Variants in DDAH1 observed in about 807,000 individuals in gnomAD.
DDAH1 encodes the protein dimethylarginine dimethylaminohydrolase 1.
A neutral mutation model predicts 28.8 loss-of-function variants in DDAH1; 19 were observed. The ratio of observed to expected loss-of-function variants is 0.66; its 90% CI spans 0.46 to 0.97. DDAH1 has a LOEUF of 0.97. Ranked by LOEUF, DDAH1 falls within the 50% of genes least tolerant of loss-of-function variation. The pLI is 0.00. For synonymous variants in DDAH1, 153 were observed against 154.4 expected (o/e 0.99, Z 0.07); for missense variants, 326 against 375.9 (o/e 0.87, Z 1.10).
At chr1:85,407,096 G>A (rs1015137196) in intron 1 of DDAH1, among the ~76,000 whole-genome samples, 7 of 152,062 alleles carry the variant, frequency 4.6e-5, no homozygotes, top group Non-Finnish European at 1.0e-4. Flanking sequence ...TATTTCTGAA[G>A]AGTTATGAGC....
chr1:85,439,588 C>T (rs1216311697), intron 1 of DDAH1, among the ~76,000 whole-genome samples: 1 of 152,218 alleles, frequency 6.6e-6, no homozygotes, highest in Admixed American at 6.5e-5. Context: ...TTTTCTTAAA[C>T]TATCTGCTCT....
Position 85,454,443 on chromosome 1 carries a change from A to G in DDAH1, c.303+10300T>C, listed in dbSNP as rs533235861. On this transcript the variant is annotated intron_variant, in intron 1 of 5. Coordinates refer to ENST00000284031, the MANE Select transcript of DDAH1 (RefSeq NM_012137.4). The stretch of plus-strand genomic sequence containing the variant: ...TGACTGGATAGAAAGTAATGCTGAG[A>G]TTTTGGCCATGATTCCCAGGACCCA... Among the ~76,000 whole-genome samples, 12 of 152,328 alleles carry G rather than the reference A, an allele frequency of 7.9e-5. No homozygotes were observed. The South Asian group carries it at 2.1e-3, about 26-fold the overall frequency.
chr1:85,339,413 A>T (rs1022630511), intron 4 of DDAH1, among the ~76,000 whole-genome samples: 1 of 152,212 alleles, frequency 6.6e-6, no homozygotes, highest in Non-Finnish European at 1.5e-5. Flanking sequence ...GTGATGAGTA[A>T]TATGGGGACC....
chr1:85,396,241 C>A (rs1274875752), intron 1 of DDAH1, among the ~76,000 whole-genome samples: 1 of 152,118 alleles, frequency 6.6e-6, no homozygotes, highest in Non-Finnish European at 1.5e-5. Context: ...TAAAGGAATA[C>A]CTAAGGCTGG....
chr1:85,441,240 G>C (rs1239335134), intron 1 of DDAH1, among the ~76,000 whole-genome samples: 1 of 152,122 alleles, frequency 6.6e-6, no homozygotes, highest in Non-Finnish European at 1.5e-5. Context: ...TATTGAGAAA[G>C]GAGGTAAGAA....
chr1:85,345,621 T>C (rs796954582), intron 4 of DDAH1, among the ~76,000 whole-genome samples: 15 of 152,270 alleles, frequency 9.9e-5, no homozygotes, highest in African/African-American at 3.6e-4. Flanking sequence ...TCCCAGCACT[T>C]TGGGAGGCCG....
intron 1 of DDAH1, among the ~76,000 whole-genome samples, chr1:85,391,616 AT>A (rs1272490895): frequency 6.6e-6 from 1 of 152,246 alleles, no homozygotes; most frequent in African/African-American, 2.4e-5. Context: ...GCAGAATGGT[AT>A]TACCTGACAA....
rs529619757 is a variant in DDAH1, at chr1:85,403,003, G to T, written c.304-44156C>A. ...GATACCTGTTTTCTTAAGCATGCTG[G>T]GTATGTACCCATGGAGGAGTGTCTG... On this transcript the variant is annotated intron_variant, in intron 1 of 5. Transcript: ENST00000284031. Among the ~76,000 whole-genome samples, 76 of 151,950 alleles carry T rather than the reference G, an allele frequency of 5.0e-4. 1 individual carries two copies. The highest frequency in any genetic ancestry group is 1.8e-3 in the African/African-American group (73 of 41,420).
chr1:85,414,871 A>C (rs1252916284), intron 1 of DDAH1, among the ~76,000 whole-genome samples: 1 of 152,162 alleles, frequency 6.6e-6, no homozygotes, highest in Non-Finnish European at 1.5e-5. Context: ...AAGATACCCA[A>C]GCTCATTGGT....
chr1:85,523,904 T>A (rs897260), intron 1 of DDAH1, among the ~76,000 whole-genome samples: 1 of 152,170 alleles, frequency 6.6e-6, no homozygotes, highest in Non-Finnish European at 1.5e-5. Flanking sequence ...AGGCTGAACT[T>A]TGGCAGCCTT....
intron 1 of DDAH1, among the ~76,000 whole-genome samples, chr1:85,406,541 T>C (rs1337850364): frequency 6.6e-6 from 1 of 152,134 alleles, no homozygotes; most frequent in Non-Finnish European, 1.5e-5. Context: ...TCAAGAAGGA[T>C]ACATATAGAA....
intron 1 of DDAH1, among the ~76,000 whole-genome samples, chr1:85,543,595 A>T (rs756886926): frequency 6.6e-6 from 1 of 152,232 alleles, no homozygotes; most frequent in Admixed American, 6.5e-5. Context: ...AAGGAGAAAC[A>T]CAAGCACTTA....
At chr1:85,552,425 A>G (rs1393686531) in intron 1 of DDAH1, among the ~76,000 whole-genome samples, 1 of 152,180 alleles carries the variant, frequency 6.6e-6, no homozygotes, top group Non-Finnish European at 1.5e-5. Flanking sequence ...TCATTTCTAC[A>G]TTGCTGTGCC....
chr1:85,465,144 G>C lies in DDAH1; in HGVS notation c.-99C>G, dbSNP rs985543031. On this transcript the variant is annotated 5_prime_UTR_variant, in exon 1 of 6. Coordinates refer to ENST00000284031, the MANE Select transcript of DDAH1 (RefSeq NM_012137.4). ...CTGCGAGCGCCCGTCGGCTCCTCTTGGCAGCCGCTGAATGTGGTGCAGAAG... is the reference window on the plus strand; with the variant it reads ...CTGCGAGCGCCCGTCGGCTCCTCTTCGCAGCCGCTGAATGTGGTGCAGAAG... The C allele has an allele frequency of 4.1e-5, 48 of 1,161,606 alleles. No individual in the cohort carries two copies. Among genetic ancestry groups the C allele is most frequent in the Non-Finnish European group, 4.9e-5 (46 of 943,826 alleles). The allele number at this position is 1,161,606 out of a possible 1,614,324, so 72.0% of individuals were successfully genotyped here. A position where few individuals can be genotyped will look rare whatever the true frequency, so the allele number is the denominator to read the frequency against.
chr1:85,574,126 C>G (rs1160496540), intron 1 of DDAH1, among the ~76,000 whole-genome samples: 1 of 152,184 alleles, frequency 6.6e-6, no homozygotes, highest in African/African-American at 2.4e-5. Flanking sequence ...AAACAGTGAA[C>G]CTACATTTTC....
At chr1:85,454,436 T>C (rs1239710815) in intron 1 of DDAH1, among the ~76,000 whole-genome samples, 2 of 152,142 alleles carry the variant, frequency 1.3e-5, no homozygotes, top group Admixed American at 6.5e-5. Flanking sequence ...TAGAAAGTAA[T>C]GCTGAGATTT....
chr1:85,572,753 C>G (rs192617710), intron 1 of DDAH1, among the ~76,000 whole-genome samples: 8 of 152,322 alleles, frequency 5.3e-5, no homozygotes, highest in Admixed American at 5.2e-4. Context: ...TGAGCTGGTG[C>G]AATCCTATCA....
chr1:85,392,168 G>C (rs189562467), intron 1 of DDAH1, among the ~76,000 whole-genome samples: 5 of 152,136 alleles, frequency 3.3e-5, no homozygotes, highest in Admixed American at 1.3e-4. Context: ...TTGAAATCAA[G>C]GTATCTGCAG....
intron 1 of DDAH1, among the ~76,000 whole-genome samples, chr1:85,535,351 C>T (rs1255745998): frequency 2.2e-5 from 3 of 135,686 alleles, no homozygotes; most frequent in Admixed American, 1.5e-4. Flanking sequence ...ATATTCCTCC[C>T]AGTCATAAAA....
Sources: allele counts gnomAD v4.1 joint callset (sites outside exome capture counted in the v4.1 genomes callset), GRCh38; gene constraint gnomAD v4.1.1; transcripts MANE v1.5; gene names NCBI Gene and HGNC (gene_info 2026-07-23, HGNC 2026-07-21).